ST7L: variants seen among roughly 807,000 people sequenced by gnomAD.
The protein encoded by ST7L is suppressor of tumorigenicity 7 protein-like.
A neutral mutation model predicts 72.5 loss-of-function variants in ST7L; 57 were observed. That is an observed-to-expected ratio of 0.79 (90% CI 0.64 to 0.98). The LOEUF (loss-of-function observed/expected upper bound fraction) is 0.98, where lower values mean the gene tolerates loss of function less well. ST7L is among the 50% of genes least tolerant of loss of function. The pLI, the probability that ST7L is intolerant of heterozygous loss-of-function variation, is 0.00. For missense variants in ST7L, 576 were observed against 672.2 expected, an observed-to-expected ratio of 0.86 and a Z score of 1.58; for synonymous variants, 221 against 240.9, an observed-to-expected ratio of 0.92 and a Z score of 0.77.
chr1:112,541,724 T>C, intron 14 of ST7L: 1 of 1,092,110 alleles, frequency 9.2e-7, no homozygotes, highest in Non-Finnish European at 1.2e-6. Flanking sequence ...TAATGTTATA[T>C]TGTTACAATC....
intron 11 of ST7L, among the ~76,000 whole-genome samples, chr1:112,561,224 A>G (rs1052354264): frequency 6.6e-6 from 1 of 151,380 alleles, no homozygotes. Flanking sequence ...ACAGAAATGG[A>G]AACATAACAG....
At chr1:112,587,478 C>T (rs951553872) in intron 6 of ST7L, among the ~76,000 whole-genome samples, 8 of 152,260 alleles carry the variant, frequency 5.3e-5, no homozygotes, top group South Asian at 2.1e-4. Context: ...TGGCACGTGC[C>T]TGTATTCCCA....
chr1:112,529,243 T>C (rs560362366), intron 14 of ST7L: 1 of 152,278 alleles, frequency 6.6e-6, no homozygotes, highest in South Asian at 2.1e-4. Flanking sequence ...TTTACTTAAC[T>C]GGCAAAATTT....
At chr1:112,540,902 G>A in intron 14 of ST7L, 1 of 1,227,604 alleles carries the variant, frequency 8.1e-7, no homozygotes, top group Non-Finnish European at 1.1e-6. Flanking sequence ...GTACAAGAAA[G>A]ATGCATTTTT....
chr1:112,618,327 T>C, intron 1 of ST7L: 1 of 982,224 alleles, frequency 1.0e-6, no homozygotes, highest in South Asian at 3.9e-5. Flanking sequence ...CTGTTGTTTG[T>C]GGCGCTCTCA....
chr1:112,606,734 T>A (rs1668303356), intron 3 of ST7L, among the ~76,000 whole-genome samples: 1 of 152,194 alleles, frequency 6.6e-6, no homozygotes. Context: ...AAGTCCAAGA[T>A]CAAGGTACTA....
At chr1:112,594,421 G>A (rs6691917) in intron 5 of ST7L, among the ~76,000 whole-genome samples, 2 of 151,912 alleles carry the variant, frequency 1.3e-5, no homozygotes, top group African/African-American at 2.4e-5. Context: ...TATTCTGGCC[G>A]TGTATTCAAG....
At chr1:112,580,420 T>C (rs1663906275) in intron 9 of ST7L, among the ~76,000 whole-genome samples, 1 of 152,230 alleles carries the variant, frequency 6.6e-6, no homozygotes, top group African/African-American at 2.4e-5. Flanking sequence ...CCCAAAGGGT[T>C]GGAATTACAG....
chr1:112,572,956 A>G (rs1475968546), intron 11 of ST7L, among the ~76,000 whole-genome samples: 1 of 152,114 alleles, frequency 6.6e-6, no homozygotes, highest in Admixed American at 6.6e-5. Context: ...AGTAGAAAAA[A>G]CCCAACAAAG....
At chr1:112,540,774 A>G in intron 14 of ST7L, 1 of 1,275,710 alleles carries the variant, frequency 7.8e-7, no homozygotes, top group South Asian at 1.3e-5. Context: ...CAGAAAATAC[A>G]TTACCAAGTA....
intron 3 of ST7L, 75 bp downstream of exon 3, chr1:112,610,761 CTGTTT>C: frequency 6.6e-7 from 1 of 1,514,380 alleles, no homozygotes; most frequent in East Asian, 2.3e-5. Flanking sequence ...CAGCACTCTG[CTGTTT>C]TGAGTTTTCT....
At chr1:112,560,506 G>A (rs141280311) in intron 11 of ST7L, among the ~76,000 whole-genome samples, 61 of 152,204 alleles carry the variant, frequency 4.0e-4, no homozygotes, top group African/African-American at 1.4e-3. Flanking sequence ...TCAATTTAAG[G>A]AAAATGTATA....
intron 10 of ST7L, 24 bp downstream of exon 10, chr1:112,578,321 C>T: frequency 1.9e-6 from 3 of 1,602,064 alleles, no homozygotes; most frequent in Non-Finnish European, 2.6e-6. Flanking sequence ...CTTTCCAAAT[C>T]ATTGTAGTTT....
chr1:112,570,570 T>TATATATATATATAC (rs1183877129), intron 11 of ST7L, among the ~76,000 whole-genome samples: 4 of 143,368 alleles, frequency 2.8e-5, no homozygotes, highest in African/African-American at 7.8e-5. Flanking sequence ...TATATATATA[T>TATATATATATATAC]ACACACACAC....
chr1:112,608,639 T>C (rs1305876684), intron 3 of ST7L, among the ~76,000 whole-genome samples: 2 of 152,226 alleles, frequency 1.3e-5, no homozygotes, highest in Non-Finnish European at 2.9e-5. Flanking sequence ...TAATTATTTA[T>C]ATATTGAACG....
chr1:112,563,097 TATAATAATA>T (rs146284524), intron 11 of ST7L, among the ~76,000 whole-genome samples: 2 of 149,676 alleles, frequency 1.3e-5, no homozygotes, highest in Admixed American at 6.7e-5. Flanking sequence ...TTACTTTTGT[TATAATAATA>T]ATAATAATAA....
chr1:112,602,083 C>CAA (rs71584754), intron 3 of ST7L, among the ~76,000 whole-genome samples: 2 of 89,090 alleles, frequency 2.2e-5, no homozygotes, highest in Admixed American at 1.4e-4. Flanking sequence ...AAACTCCATC[C>CAA]AAAAAAAAAA....
At chr1:112,520,458 C>A (rs139266843), downstream of ST7L, 4 of 1,614,172 alleles carry the variant, frequency 2.5e-6, no homozygotes, top group South Asian at 4.4e-5. Context: ...ATACTGTGGA[C>A]GTCCATACTT....
intron 11 of ST7L, among the ~76,000 whole-genome samples, chr1:112,561,468 GTC>G (rs1435970223): frequency 2.7e-5 from 4 of 149,372 alleles, no homozygotes; most frequent in African/African-American, 9.8e-5. Flanking sequence ...CTCCCTTCCT[GTC>G]TCTATACAGA....
Sources: allele counts gnomAD v4.1 joint callset (sites outside exome capture counted in the v4.1 genomes callset), GRCh38; gene constraint gnomAD v4.1.1; transcripts MANE v1.5; gene names NCBI Gene and HGNC (gene_info 2026-07-23, HGNC 2026-07-21).